ZNF438: variants seen among roughly 807,000 people sequenced by gnomAD.
ZNF438 encodes zinc finger protein 438.
ZNF438 carries 25 observed loss-of-function variants against 38.0 expected under a neutral mutation model. That is an observed-to-expected ratio of 0.66 (90% CI 0.48 to 0.92). The LOEUF (loss-of-function observed/expected upper bound fraction) is 0.92, where lower values mean the gene tolerates loss of function less well. Among genes scored for constraint, ZNF438 ranks in the 40% least tolerant of loss-of-function variants. The pLI is 0.00. For missense variants in ZNF438, 1,007 were observed against 999.6 expected (o/e 1.01, Z -0.10); for synonymous variants, 372 against 364.1 (o/e 1.02, Z -0.25).
intron 1 of ZNF438, among the ~76,000 whole-genome samples, chr10:30,959,234 T>G (rs2049195862): frequency 6.8e-6 from 1 of 146,930 alleles, no homozygotes; most frequent in Non-Finnish European, 1.5e-5. Context: ...ACTGTTAGAC[T>G]TTGAGTAGAG....
intron 1 of ZNF438, chr10:30,999,566 T>A (rs1172116532): frequency 6.6e-6 from 1 of 152,348 alleles, no homozygotes; most frequent in Non-Finnish European, 1.5e-5. Flanking sequence ...GAGTCATGTG[T>A]TCCTGATGTG....
At chr10:30,876,158 G>A (rs2038387831) in intron 4 of ZNF438, among the ~76,000 whole-genome samples, 1 of 152,188 alleles carries the variant, frequency 6.6e-6, no homozygotes, top group South Asian at 2.1e-4. Flanking sequence ...CTTTCTCACT[G>A]GTAGAGAGAT....
At chr10:30,946,246 A>C (rs535092810) in intron 1 of ZNF438, among the ~76,000 whole-genome samples, 11 of 152,302 alleles carry the variant, frequency 7.2e-5, no homozygotes, top group African/African-American at 2.2e-4. Context: ...AAACCCTAGA[A>C]GAAAACCTAG....
chr10:30,844,901 G>T lies in ZNF438; in HGVS notation c.*60C>A. 7.1e-6 allele frequency: 11 copies of T among 1,558,598 alleles called. No individual in the cohort carries two copies. The South Asian group carries it at 1.1e-4, about 16-fold the overall frequency. On this transcript the variant is annotated 3_prime_UTR_variant, in exon 6 of 6. Coordinates refer to ENST00000413025, the Ensembl canonical transcript of ZNF438. ...GTGACTAAGCACCACCATAAAGCAC[G>T]AAGCTCTGAAGGAAGGTGGCGGCAG...
At chr10:31,017,612 T>C (rs1201827060) in intron 1 of ZNF438, among the ~76,000 whole-genome samples, 1 of 152,228 alleles carries the variant, frequency 6.6e-6, no homozygotes, top group East Asian at 1.9e-4. Flanking sequence ...TCCTGTTTTA[T>C]CTGCTGGCCT....
intron 4 of ZNF438, among the ~76,000 whole-genome samples, chr10:30,854,384 G>A (rs548357030): frequency 2.6e-5 from 4 of 152,310 alleles, no homozygotes; most frequent in African/African-American, 9.6e-5. Flanking sequence ...AGAGGACAGG[G>A]AGTTGGTCTG....
chr10:30,868,072 A>ACT lies in ZNF438; in HGVS notation c.37+8925_37+8926insAG, dbSNP rs138850828. On this transcript the variant is annotated intron_variant, in intron 4 of 5. Coordinates refer to ENST00000413025, the Ensembl canonical transcript of ZNF438. ...AAAAAACAGAGCAGTGTTTTTAAAG[A>ACT]ATTTTTTTTTTTTTGAGACGGAGTT... is the stretch of plus-strand genomic sequence containing the variant. Among the ~76,000 whole-genome samples, 374 of 149,940 alleles carry ACT rather than the reference A, an allele frequency of 2.5e-3. 1 individual carries two copies. The highest frequency in any genetic ancestry group is 0.014 in the Middle Eastern group (4 of 288).
intron 1 of ZNF438, among the ~76,000 whole-genome samples, chr10:30,965,696 A>T (rs2050036757): frequency 6.6e-6 from 1 of 152,194 alleles, no homozygotes; most frequent in African/African-American, 2.4e-5. Context: ...TATAAGTGGG[A>T]GTGAAACATT....
exon 5 of ZNF438, chr10:30,849,047 G>A (rs762383531): frequency 1.1e-5 from 18 of 1,614,116 alleles, no homozygotes; most frequent in Non-Finnish European, 1.5e-5. Context: ...TAGTGTAGTT[G>A]GAGAAGCCAG....
At chr10:30,885,055 T>C (rs1004044979) in intron 3 of ZNF438, among the ~76,000 whole-genome samples, 7 of 152,240 alleles carry the variant, frequency 4.6e-5, no homozygotes, top group African/African-American at 1.4e-4. Flanking sequence ...TTATTATTTC[T>C]AGGAAACTAT....
chr10:30,899,013 A>C (rs564737822), intron 3 of ZNF438, among the ~76,000 whole-genome samples: 3 of 152,316 alleles, frequency 2.0e-5, no homozygotes, highest in East Asian at 1.9e-4. Context: ...CACCTTCTTC[A>C]GATTAGTTAA....
chr10:30,897,119 T>C (rs2041449435), intron 3 of ZNF438, among the ~76,000 whole-genome samples: 1 of 152,244 alleles, frequency 6.6e-6, no homozygotes, highest in African/African-American at 2.4e-5. Context: ...AATTGTATAA[T>C]GTTTTACTAG....
At chr10:30,865,569 GA>G (rs1375476181) in intron 4 of ZNF438, among the ~76,000 whole-genome samples, 1 of 152,202 alleles carries the variant, frequency 6.6e-6, no homozygotes, top group Non-Finnish European at 1.5e-5. Flanking sequence ...CACTAGGACT[GA>G]AAGAAAAGTC....
chr10:30,967,647 CTGG>C (rs2050270446), intron 1 of ZNF438, among the ~76,000 whole-genome samples: 1 of 152,060 alleles, frequency 6.6e-6, no homozygotes, highest in Non-Finnish European at 1.5e-5. Context: ...TGTTACTGCT[CTGG>C]TGTTGTTTTA....
intron 2 of ZNF438, among the ~76,000 whole-genome samples, chr10:30,927,097 C>T (rs2994630): frequency 0.77 from 117,504 of 152,164 alleles, 46,083 homozygotes; most frequent in African/African-American, 0.87. Context: ...AGAGTATTAT[C>T]ACTTAACGTG....
At chr10:30,989,105 T>A (rs564784629) in intron 1 of ZNF438, among the ~76,000 whole-genome samples, 3 of 152,326 alleles carry the variant, frequency 2.0e-5, no homozygotes, top group Non-Finnish European at 2.9e-5. Context: ...TATTTTGCAA[T>A]TTTTACACTC....
chr10:30,877,012 G>A (rs1344064606), exon 4 of ZNF438: 2 of 1,605,390 alleles, frequency 1.2e-6, no homozygotes, highest in Non-Finnish European at 8.5e-7. Context: ...ATCTTTTGGT[G>A]GTACTGATAC....
chr10:30,891,774 C>T (rs1000476424), intron 3 of ZNF438, among the ~76,000 whole-genome samples: 1 of 152,114 alleles, frequency 6.6e-6, no homozygotes, highest in African/African-American at 2.4e-5. Context: ...AACAAACAGG[C>T]CTATCCTCCG....
At chr10:30,936,010 G>C (rs145240916) in intron 2 of ZNF438, among the ~76,000 whole-genome samples, 1 of 152,186 alleles carries the variant, frequency 6.6e-6, no homozygotes, top group African/African-American at 2.4e-5. Context: ...AACTATAGAA[G>C]AGGTGAAGCC....
Sources: gnomAD v4.1 joint callset for allele counts (sites outside exome capture counted in the v4.1 genomes callset) on GRCh38, gnomAD v4.1.1 for gene constraint, MANE v1.5 for transcripts, NCBI Gene and HGNC (gene_info 2026-07-23, HGNC 2026-07-21) for gene names.